Variants in MPDZ observed in about 807,000 individuals in gnomAD.
MPDZ encodes multiple PDZ domain protein.
In MPDZ, 234 loss-of-function variants were observed where a neutral mutation model predicts 239.1. The observed-to-expected ratio is 0.98, with a 90% CI of 0.88 to 1.09. The LOEUF (loss-of-function observed/expected upper bound fraction) is 1.09. Ranked by LOEUF, MPDZ falls within the 50% of genes least tolerant of loss-of-function variation. The pLI is 0.00. For synonymous variants in MPDZ, 1,048 were observed against 881.3 expected (o/e 1.19, Z -3.35); for missense variants, 3,175 against 2,510.0 (o/e 1.26, Z -5.66).
rs181098014 is a variant in MPDZ at position 13,114,720 on chromosome 9, C to A, written c.5466+528G>T. Among the ~76,000 whole-genome samples, 54 of 151,836 alleles carry A rather than the reference C, an allele frequency of 3.6e-4. 1 individual carries two copies. The highest frequency in any genetic ancestry group is 1.3e-3 in the African/African-American group (54 of 41,420). On this transcript the variant is annotated intron_variant, in intron 40 of 46. Transcript: ENST00000319217. ...TTTGAGACCAGCCTGGCTGACATGG[C>A]GAAACCCCATCTCTAATAAAAATAC...
chr9:13,183,730 C>T (rs1399574732), intron 18 of MPDZ, 145 bp from the exon 19 acceptor site: 2 of 741,642 alleles, frequency 2.7e-6, no homozygotes, highest in Non-Finnish European at 4.4e-6. Flanking sequence ...TCATCAGACA[C>T]TGCTAATGCA....
At chr9:13,191,261 A>C (rs1954880376) in intron 15 of MPDZ, among the ~76,000 whole-genome samples, 1 of 152,130 alleles carries the variant, frequency 6.6e-6, no homozygotes, top group African/African-American at 2.4e-5. Context: ...TATGAATACT[A>C]AACTATGCAT....
Position 13,237,814 on chromosome 9 carries a change from G to T in MPDZ, c.183+9821C>A, listed in dbSNP as rs568409972. Among the ~76,000 whole-genome samples the T allele has an allele frequency of 2.0e-5, 3 of 152,160 alleles. No individual in the cohort carries two copies. In the East Asian group the frequency reaches 5.8e-4, roughly 29 times the overall value. On this transcript the variant is annotated intron_variant, in intron 3 of 46. Coordinates refer to ENST00000319217, the MANE Select transcript of MPDZ (RefSeq NM_001378778.1). ...ATAACTTGAATTTGTTGATAAGACT[G>T]CAACTGATATCAGCAAGTATAACTT...
intron 1 of MPDZ, among the ~76,000 whole-genome samples, chr9:13,253,302 T>C (rs1169668656): frequency 1.3e-5 from 2 of 151,518 alleles, no homozygotes; most frequent in African/African-American, 4.8e-5. Context: ...AGTTTCAGAG[T>C]TTCTTTTCTA....
intron 24 of MPDZ, among the ~76,000 whole-genome samples, chr9:13,153,518 A>G (rs993859181): frequency 3.3e-5 from 5 of 152,042 alleles, no homozygotes; most frequent in African/African-American, 1.2e-4. Flanking sequence ...ATCATAGTCC[A>G]CTGCAGCCTT....
intron 2 of MPDZ, 33 bp from the exon 3 acceptor site, chr9:13,247,834 G>A (rs1206671543): frequency 1.3e-6 from 2 of 1,562,700 alleles, no homozygotes; most frequent in East Asian, 2.3e-5. Context: ...TCAATAACAG[G>A]ATTCAAAGGA....
rs1959828599 is a variant in MPDZ, at chr9:13,224,366, G to A, written c.393+8C>T. 1 of 1,605,288 alleles carries A rather than the reference G, an allele frequency of 6.2e-7. No homozygotes were observed. The highest frequency in any genetic ancestry group is 2.2e-5 in the East Asian group (1 of 44,732). ...ATTACAATAACTAACAGAAAGAAAT[G>A]TTCTTACCTGGGCCATATTTTTGAT... On this transcript the variant is annotated splice_region_variant and intron_variant, in intron 4 of 46. Coordinates refer to ENST00000319217, the MANE Select transcript of MPDZ (RefSeq NM_001378778.1).
chr9:13,205,818 A>G, intron 11 of MPDZ, 98 bp downstream of exon 11: 2 of 1,123,020 alleles, frequency 1.8e-6, no homozygotes, highest in Non-Finnish European at 2.5e-6. Flanking sequence ...ATTCTGAATA[A>G]TTAAGAACCA....
intron 32 of MPDZ, among the ~76,000 whole-genome samples, chr9:13,129,283 C>T (rs1255513858): frequency 1.3e-5 from 2 of 151,604 alleles, no homozygotes; most frequent in Non-Finnish European, 2.9e-5. Flanking sequence ...GCCAACATGG[C>T]GAAACCCCAT....
chr9:13,112,120 G>A lies in MPDZ; in HGVS notation c.5628C>T (p.Ser1876=). ...GTGGGCTGCCTACTCCTCCAGCGAT[G>A]CTGATTCCCAGTGAGTCAGTAGGGC... ...KKGPTDSLGI[S]IAGGVGSPLG... Residue 1876 remains serine, a synonymous_variant, in exon 43 of 47, where the codon AGC becomes AGT. Transcript: ENST00000319217. 5 of 1,613,122 alleles carry A rather than the reference G, an allele frequency of 3.1e-6. No homozygotes were observed. Among genetic ancestry groups the A allele is most frequent in the Admixed American group, 3.3e-5 (2 of 59,986 alleles).
rs1958457907 is a variant in MPDZ at position 13,217,197 on chromosome 9, A to G, written c.1184T>C (p.Ile395Thr). ...AAAATTACCCAATTTTTTATCTCCAATGTAGCCAGCAATGGTAATTCCTAA... is the reference window on the plus strand; with the variant it reads ...AAAATTACCCAATTTTTTATCTCCAGTGTAGCCAGCAATGGTAATTCCTAA... Reference protein sequence around the residue: ...QGLGITIAGYIGDKKLEPSGI... With the variant: ...QGLGITIAGYTGDKKLEPSGI... The change falls in exon 9 of 47, where the codon ATT becomes ACT. Residue 395 changes from isoleucine (I) to threonine (T), a missense_variant. Ile to Thr is a moderately conservative substitution (Grantham distance 89, BLOSUM62 -1). Transcript: ENST00000319217. 1.3e-6 allele frequency: 2 copies of G among 1,590,338 alleles called. No individual in the cohort carries two copies. The highest frequency in any genetic ancestry group is 1.4e-5 in the African/African-American group (1 of 73,938).
chr9:13,188,691 G>A (rs142393893), intron 17 of MPDZ, 93 bp downstream of exon 17: 3 of 1,036,832 alleles, frequency 2.9e-6, no homozygotes, highest in East Asian at 2.4e-5. Context: ...TAAAAGTCAC[G>A]ATTCAATCAT....
intron 1 of MPDZ, among the ~76,000 whole-genome samples, chr9:13,275,494 T>G (rs972205309): frequency 1.3e-5 from 2 of 152,218 alleles, no homozygotes; most frequent in African/African-American, 2.4e-5. Context: ...CCACCCACTC[T>G]GTGTTATTTT....
chr9:13,255,809 C>A (rs1025706965), intron 1 of MPDZ, among the ~76,000 whole-genome samples: 4 of 152,154 alleles, frequency 2.6e-5, no homozygotes, highest in Non-Finnish European at 4.4e-5. Context: ...TTTAGAATAA[C>A]CCTTAAGGGC....
intron 1 of MPDZ, among the ~76,000 whole-genome samples, chr9:13,260,735 A>T (rs1564154052): frequency 6.6e-6 from 1 of 152,196 alleles, no homozygotes; most frequent in African/African-American, 2.4e-5. Context: ...AGGCCACATG[A>T]GCACACAAGA....
intron 1 of MPDZ, among the ~76,000 whole-genome samples, chr9:13,251,128 C>CAAA (rs150252589): frequency 1.6e-3 from 58 of 36,164 alleles, no homozygotes; most frequent in Middle Eastern, 0.043. Context: ...GACTCCATCT[C>CAAA]AAAAAAAAAA....
intron 40 of MPDZ, 108 bp from the exon 41 acceptor site, chr9:13,114,129 G>A (rs1163938047): frequency 1.2e-6 from 1 of 855,306 alleles, no homozygotes; most frequent in Non-Finnish European, 1.8e-6. Context: ...AAGCAACAGT[G>A]GCATTTGATA....
At chr9:13,199,616 C>G (rs144068151) in intron 12 of MPDZ, among the ~76,000 whole-genome samples, 2 of 151,750 alleles carry the variant, frequency 1.3e-5, no homozygotes, top group Admixed American at 6.6e-5. Context: ...TTTCTCTGTT[C>G]GGTATATTAG....
rs138880850 is a variant in MPDZ at position 13,270,457 on chromosome 9, G to A, written c.-58+8943C>T. 2.0e-5 allele frequency among the ~76,000 whole-genome samples: 3 copies of A among 152,110 alleles called. No individual in the cohort carries two copies. The East Asian group carries it at 5.8e-4, about 29-fold the overall frequency. On this transcript the variant is annotated intron_variant, in intron 1 of 46. Transcript: ENST00000319217. ...GTGTTGACCAACACAGTAGCCAGGAGCCACACTGAAACACACTACTGGGCA... is the reference window on the plus strand; with the variant it reads ...GTGTTGACCAACACAGTAGCCAGGAACCACACTGAAACACACTACTGGGCA...
Sources: allele counts gnomAD v4.1 joint callset (sites outside exome capture counted in the v4.1 genomes callset), GRCh38; gene constraint gnomAD v4.1.1; transcripts MANE v1.5; gene names NCBI Gene and HGNC (gene_info 2026-07-23, HGNC 2026-07-21).